Variants in SMC5 observed in about 807,000 individuals in gnomAD.
The protein encoded by SMC5 is structural maintenance of chromosomes protein 5.
Under a neutral mutation model 148.3 loss-of-function variants are expected in SMC5, and 88 were observed. That is an observed-to-expected ratio of 0.59 (90% CI 0.50 to 0.71). SMC5 has a LOEUF of 0.71. SMC5 is among the 30% of genes least tolerant of loss of function. SMC5 has a pLI of 0.00. For synonymous variants in SMC5, 421 were observed against 432.8 expected, an observed-to-expected ratio of 0.97 and a Z score of 0.34; for missense variants, 1,142 against 1,298.9, an observed-to-expected ratio of 0.88 and a Z score of 1.86.
At chr9:70,275,209 CTG>C (rs1257963005) in intron 3 of SMC5, among the ~76,000 whole-genome samples, 1 of 151,880 alleles carries the variant, frequency 6.6e-6, no homozygotes, top group Non-Finnish European at 1.5e-5. Flanking sequence ...AATATCATTG[CTG>C]TATTCCTTTT....
chr9:70,323,716 G>A (rs1426345437), intron 16 of SMC5, 110 bp downstream of exon 16: 5 of 1,225,370 alleles, frequency 4.1e-6, no homozygotes, highest in Non-Finnish European at 5.6e-6. Flanking sequence ...TGACATTTTA[G>A]TTATATAAGC....
chr9:70,284,274 T>C (rs907295235), intron 7 of SMC5, among the ~76,000 whole-genome samples: 1 of 152,236 alleles, frequency 6.6e-6, no homozygotes, highest in Non-Finnish European at 1.5e-5. Flanking sequence ...GTTTTAGGAC[T>C]TGATTAGATC....
At position 70,341,098 on chromosome 9, in the gene SMC5, T is replaced by G. The variant is rs148021327; in HGVS notation, c.2398-3046T>G. Among the ~76,000 whole-genome samples the G allele has an allele frequency of 1.9e-3, 294 of 152,274 alleles. 1 individual carries two copies. The highest frequency in any genetic ancestry group is 3.3e-3 in the Non-Finnish European group (225 of 68,002). On this transcript the variant is annotated intron_variant, in intron 17 of 24. Coordinates refer to ENST00000361138, the MANE Select transcript of SMC5 (RefSeq NM_015110.4). ...ACTTTACAGCATTATCTGATATAAT[T>G]ATATATGCCTTCCCACTTCTACCCT...
intron 2 of SMC5, among the ~76,000 whole-genome samples, chr9:70,265,161 C>G (rs2034256249): frequency 6.6e-6 from 1 of 151,976 alleles, no homozygotes; most frequent in Non-Finnish European, 1.5e-5. Context: ...GAAACAGATA[C>G]AAAAAATGAG....
At chr9:70,321,229 G>A (rs1244049617) in intron 15 of SMC5, among the ~76,000 whole-genome samples, 1 of 152,074 alleles carries the variant, frequency 6.6e-6, no homozygotes, top group African/African-American at 2.4e-5. Flanking sequence ...AGGGAAGGAG[G>A]AGGTTATATT....
At chr9:70,264,605 T>A (rs1452694274) in intron 2 of SMC5, among the ~76,000 whole-genome samples, 160 bp downstream of exon 2, 5 of 152,228 alleles carry the variant, frequency 3.3e-5, no homozygotes, top group Admixed American at 3.3e-4. Context: ...AGATTTTCAT[T>A]TCTAGAAGTA....
At position 70,337,519 on chromosome 9, in the gene SMC5, A is replaced by G. The variant is rs138817804; in HGVS notation, c.2398-6625A>G. Among the ~76,000 whole-genome samples the G allele has an allele frequency of 3.9e-3, 567 of 145,862 alleles. 3 individuals are homozygous for G. The highest frequency in any genetic ancestry group is 0.014 in the African/African-American group (526 of 38,070). On this transcript the variant is annotated intron_variant, in intron 17 of 24. Transcript: ENST00000361138. ...CACCGAGGCTGGAGTGCAGTGGCAC[A>G]ATCTCAGCTCACTGCAACCTCAGTC...
intron 1 of SMC5, among the ~76,000 whole-genome samples, chr9:70,262,166 A>C (rs1167891428): frequency 6.6e-6 from 1 of 152,162 alleles, no homozygotes; most frequent in East Asian, 1.9e-4. Flanking sequence ...TAGTGAGTGA[A>C]CCAAGTCAAA....
intron 11 of SMC5, chr9:70,310,804 G>C (rs1480315711): frequency 6.6e-6 from 1 of 152,216 alleles, no homozygotes; most frequent in African/African-American, 2.4e-5. Flanking sequence ...ACTTGCTGCA[G>C]CTTCTACATC....
chr9:70,308,466 C>A (rs993420204), intron 11 of SMC5, among the ~76,000 whole-genome samples: 1 of 151,552 alleles, frequency 6.6e-6, no homozygotes, highest in Non-Finnish European at 1.5e-5. Flanking sequence ...GGTGGCAGGG[C>A]GCCTGTAGTC....
At position 70,318,682 on chromosome 9, in the gene SMC5, C is replaced by G; in HGVS notation, c.1975C>G (p.Leu659Val). Residue 659 changes from leucine to valine, a missense_variant, in exon 14 of 25, where the codon CTA becomes GTA. Physicochemically the swap from Leu to Val is conservative, Grantham distance 32. Transcript: ENST00000361138. ...LEQRRHLEEQ[L>V]KEIHRKLQAV... ...GCAGAGAAGACACTTAGAAGAACAG[C>G]TAAAGGTTGGTTAATTTGATCTGAA... 6.3e-7 allele frequency: 1 copy of G among 1,588,122 alleles called. No homozygotes were observed. The highest frequency in any genetic ancestry group is 1.4e-5 in the African/African-American group (1 of 73,766).
chr9:70,311,687 A>G (rs2035661577), intron 11 of SMC5: 1 of 149,244 alleles, frequency 6.7e-6, no homozygotes, highest in Admixed American at 6.7e-5. Context: ...ATTACCCACT[A>G]CCATTTGACC....
chr9:70,264,628 A>C (rs887949221), intron 2 of SMC5, among the ~76,000 whole-genome samples, 183 bp downstream of exon 2: 2 of 152,188 alleles, frequency 1.3e-5, no homozygotes, highest in East Asian at 3.8e-4. Flanking sequence ...TTGGATCATA[A>C]TACTAGAGGA....
At chr9:70,328,040 A>T (rs1002558737) in intron 17 of SMC5, among the ~76,000 whole-genome samples, 3 of 152,264 alleles carry the variant, frequency 2.0e-5, no homozygotes, top group Middle Eastern at 3.4e-3. Flanking sequence ...AGAACTCACT[A>T]TCACAAGAAC....
intron 17 of SMC5, among the ~76,000 whole-genome samples, chr9:70,328,140 C>T (rs137927282): frequency 3.3e-5 from 5 of 152,118 alleles, no homozygotes; most frequent in East Asian, 1.9e-4. Context: ...TTGATTTGGC[C>T]GGGGACACAG....
chr9:70,350,357 TA>T lies in SMC5; in HGVS notation c.3070-18del, dbSNP rs779122440. 9 of 1,610,642 alleles carry T rather than the reference TA, an allele frequency of 5.6e-6. No homozygotes were observed. Among genetic ancestry groups the T allele is most frequent in the Non-Finnish European group, 6.8e-6 (8 of 1,178,562 alleles). On this transcript the variant is annotated intron_variant, in intron 23 of 24. Transcript: ENST00000361138. ...CTGTAACAGGAATAAATGTAATCAT[TA>T]TTGTTGCCATTGTTTAGGGAATGGA...
At chr9:70,293,164 C>T (rs1408840912) in intron 8 of SMC5, among the ~76,000 whole-genome samples, 2 of 152,102 alleles carry the variant, frequency 1.3e-5, no homozygotes, top group African/African-American at 4.8e-5. Context: ...ATGTTTTCAA[C>T]TTCCTTAATA....
intron 17 of SMC5, among the ~76,000 whole-genome samples, chr9:70,326,496 G>A (rs1361508558): frequency 6.6e-6 from 1 of 151,402 alleles, no homozygotes; most frequent in East Asian, 1.9e-4. Flanking sequence ...AGAAAGGAGA[G>A]AAAACTTTAT....
At chr9:70,275,349 A>T (rs1185472122) in intron 3 of SMC5, among the ~76,000 whole-genome samples, 1 of 151,932 alleles carries the variant, frequency 6.6e-6, no homozygotes, top group Non-Finnish European at 1.5e-5. Context: ...ACTCACCACC[A>T]GGCCCAGCTT....
Sources: allele counts gnomAD v4.1 joint callset (sites outside exome capture counted in the v4.1 genomes callset), GRCh38; gene constraint gnomAD v4.1.1; transcripts MANE v1.5; gene names NCBI Gene and HGNC (gene_info 2026-07-23, HGNC 2026-07-21).